The following NOVA2 variants were observed in gnomAD, a reference collection of about 807,000 sequenced individuals.
The protein encoded by NOVA2 is RNA-binding protein Nova-2.
Under a neutral mutation model 22.5 loss-of-function variants are expected in NOVA2, and 9 were observed. The ratio of observed to expected loss-of-function variants is 0.40; its 90% CI spans 0.24 to 0.70. NOVA2 has a LOEUF of 0.70. NOVA2 is among the 30% of genes least tolerant of loss of function. The pLI is 0.38. For missense variants in NOVA2, 383 were observed against 682.8 expected, an observed-to-expected ratio of 0.56 and a Z score of 4.89; for synonymous variants, 318 against 335.2, an observed-to-expected ratio of 0.95 and a Z score of 0.56.
intron 1 of NOVA2, 116 bp downstream of exon 1, chr19:45,973,151 A>C (rs1013903104): frequency 7.7e-5 from 19 of 247,556 alleles, no homozygotes; most frequent in East Asian, 1.2e-4. Flanking sequence ...CGCCTCGGGG[A>C]GGGGTGTCTC....
chr19:45,948,864 A>G (rs1422022061), intron 3 of NOVA2, among the ~76,000 whole-genome samples: 6 of 152,198 alleles, frequency 3.9e-5, no homozygotes, highest in Admixed American at 6.5e-5. Flanking sequence ...CATCATAGCT[A>G]AAAAGGAGAA....
chr19:45,972,831 T>C (rs1292464054), intron 1 of NOVA2, among the ~76,000 whole-genome samples: 2 of 152,070 alleles, frequency 1.3e-5, no homozygotes, highest in Non-Finnish European at 2.9e-5. Flanking sequence ...GGACAACCCT[T>C]GTTCAGGACA....
In NOVA2 at chr19:45,937,691, G is replaced by A. The variant is rs1285213654; in HGVS notation, c.*2172C>T. On this transcript the variant is annotated 3_prime_UTR_variant, in exon 4 of 4. Transcript: ENST00000263257. ...ATGGGAAGTGGGGGATAGGGGAGGG[G>A]AAGTGGGGCCTGCCTCCCACCCTGG... The A allele has an allele frequency of 1.3e-5, 2 of 152,138 alleles. No homozygotes were observed. The highest frequency in any genetic ancestry group is 4.8e-5 in the African/African-American group (2 of 41,420). 9.4% of individuals were successfully genotyped at this position (152,138 alleles called of 1,614,324 possible). A position where few individuals can be genotyped will look rare whatever the true frequency, so the allele number is the denominator to read the frequency against.
intron 1 of NOVA2, among the ~76,000 whole-genome samples, chr19:45,969,854 TCA>T (rs904580295): frequency 2.0e-5 from 3 of 152,146 alleles, no homozygotes; most frequent in African/African-American, 7.2e-5. Context: ...TGCCAGCCAC[TCA>T]CAGTGCCCAG....
intron 2 of NOVA2, among the ~76,000 whole-genome samples, chr19:45,959,821 G>GGAGAGAGAGAGAGAGAGA (rs146270704): frequency 1.9e-3 from 256 of 136,514 alleles, no homozygotes; most frequent in Middle Eastern, 7.8e-3. Flanking sequence ...AGACAGAGAG[G>GGAGAGAGAGAGAGAGAGA]GAGAGAGAGA....
intron 2 of NOVA2, among the ~76,000 whole-genome samples, chr19:45,959,922 A>T (rs1172983941): frequency 6.6e-6 from 1 of 152,010 alleles, no homozygotes; most frequent in African/African-American, 2.4e-5. Flanking sequence ...CAAGGGGATT[A>T]AGGATGAACT....
At chr19:45,959,413 T>C (rs977337276) in intron 2 of NOVA2, among the ~76,000 whole-genome samples, 6 of 152,190 alleles carry the variant, frequency 3.9e-5, no homozygotes, top group African/African-American at 1.2e-4. Flanking sequence ...TCCCGCCTTC[T>C]GGGTTTCCCA....
In NOVA2 at chr19:45,953,958, G is replaced by C; in HGVS notation, c.230-12C>G. On this transcript the variant is annotated splice_polypyrimidine_tract_variant and intron_variant, in intron 2 of 3. Transcript: ENST00000263257. ...CCGCTCTGTGGTTCCTGTTGAGCAA[G>C]GGAGAGAGAGGGCACACTCATGAGA... 1 of 1,613,446 alleles carries C rather than the reference G, an allele frequency of 6.2e-7. No homozygotes were observed. Among genetic ancestry groups the C allele is most frequent in the Non-Finnish European group, 8.5e-7 (1 of 1,179,458 alleles).
Position 45,940,945 on chromosome 19 carries a change from C to T in NOVA2, c.397G>A (p.Ala133Thr), listed in dbSNP as rs1262747126. ...TTMNPDRAKQAKLIVPNSTAG... is the reference protein window; with the variant it reads ...TTMNPDRAKQTKLIVPNSTAG... Reference sequence around the variant, plus strand: ...GTGCTGTTGGGGACGATCAGCTTGGCCTGCGTGGGGAGCAAAAGGGAGGGT... The same window carrying T: ...GTGCTGTTGGGGACGATCAGCTTGGTCTGCGTGGGGAGCAAAAGGGAGGGT... The change falls in exon 4 of 4, where the codon GCC (alanine) becomes ACC (threonine). Residue 133 changes from alanine to threonine, a missense_variant and splice_region_variant. Physicochemically the swap from Ala to Thr is moderately conservative, Grantham distance 58. Around this residue, in one of 2 missense-constraint regions of NOVA2, gnomAD observed 349 missense variants for 578.1 expected, o/e 0.60. Transcript: ENST00000263257. 4.4e-6 allele frequency: 7 copies of T among 1,600,050 alleles called. No individual in the cohort carries two copies. The African/African-American group carries it at 5.4e-5, about 12-fold the overall frequency.
chr19:45,944,524 C>G (rs1200674443), intron 3 of NOVA2, among the ~76,000 whole-genome samples: 1 of 152,146 alleles, frequency 6.6e-6, no homozygotes, highest in East Asian at 1.9e-4. Context: ...AATCACCTTC[C>G]TTTTATTTCT....
Position 45,934,714 on chromosome 19 carries a change from G to A in NOVA2, c.*5149C>T, listed in dbSNP as rs1568656673. 6.6e-6 allele frequency: 1 copy of A among 152,286 alleles called. No homozygotes were observed. The highest frequency in any genetic ancestry group is 1.5e-5 in the Non-Finnish European group (1 of 68,162). 9.4% of individuals were successfully genotyped at this position (152,286 alleles called of 1,614,324 possible). The stretch of plus-strand genomic sequence containing the variant: ...GGGGAGTGTGTGGGGGGCACACGAA[G>A]GAGGGGGTCAGAGTGAGCGCTCCAT... On this transcript the variant is annotated 3_prime_UTR_variant, in exon 4 of 4. Coordinates refer to ENST00000263257, the MANE Select transcript of NOVA2 (RefSeq NM_002516.4).
intron 1 of NOVA2, among the ~76,000 whole-genome samples, chr19:45,966,340 C>T (rs1471126278): frequency 6.6e-6 from 1 of 152,166 alleles, no homozygotes; most frequent in Non-Finnish European, 1.5e-5. Context: ...CCTTCCAGTC[C>T]TTGGTTCAGG....
intron 2 of NOVA2, 131 bp from the exon 3 acceptor site, chr19:45,954,077 C>T: frequency 1.0e-6 from 1 of 993,698 alleles, no homozygotes; most frequent in Non-Finnish European, 1.5e-6. Flanking sequence ...CACGGTGAGC[C>T]TGGGGGAGCG....
chr19:45,959,919 A>C (rs1461274144), intron 2 of NOVA2, among the ~76,000 whole-genome samples: 5 of 151,784 alleles, frequency 3.3e-5, no homozygotes, highest in Non-Finnish European at 5.9e-5. Context: ...ATCCAAGGGG[A>C]TTAAGGATGA....
intron 3 of NOVA2, among the ~76,000 whole-genome samples, chr19:45,948,323 G>T (rs557388720): frequency 3.3e-5 from 5 of 152,276 alleles, no homozygotes; most frequent in South Asian, 2.1e-4. Flanking sequence ...TTGTCAGCCG[G>T]GCGTGGGGGC....
rs1371668450 is a variant in NOVA2, at chr19:45,937,701, C to G, written c.*2162G>C. 6.6e-6 allele frequency: 1 copy of G among 152,192 alleles called. No individual in the cohort carries two copies. The highest frequency in any genetic ancestry group is 1.5e-5 in the Non-Finnish European group (1 of 68,040). The allele number at this position is 152,192 out of a possible 1,614,324, so 9.4% of individuals were successfully genotyped here. On this transcript the variant is annotated 3_prime_UTR_variant, in exon 4 of 4. Transcript: ENST00000263257. ...GGGGATAGGGGAGGGGAAGTGGGGC[C>G]TGCCTCCCACCCTGGAGATGACAAG... is the stretch of plus-strand genomic sequence containing the variant.
At chr19:45,951,712 G>A (rs1170060304) in intron 3 of NOVA2, among the ~76,000 whole-genome samples, 2 of 152,020 alleles carry the variant, frequency 1.3e-5, no homozygotes, top group African/African-American at 2.4e-5. Context: ...TGGGAGGATC[G>A]CTTGAGCCTG....
At chr19:45,950,802 T>A (rs1439042674) in intron 3 of NOVA2, among the ~76,000 whole-genome samples, 2 of 152,138 alleles carry the variant, frequency 1.3e-5, no homozygotes, top group African/African-American at 2.4e-5. Flanking sequence ...AAAAGCAGCA[T>A]CAACAGCTAA....
At chr19:45,966,597 G>T (rs576915978) in intron 1 of NOVA2, among the ~76,000 whole-genome samples, 1 of 152,248 alleles carries the variant, frequency 6.6e-6, no homozygotes, top group East Asian at 1.9e-4. Flanking sequence ...AAGAAATTAG[G>T]CCGGGTGTGG....
Sources: gnomAD v4.1 joint callset for allele counts (sites outside exome capture counted in the v4.1 genomes callset) on GRCh38, gnomAD v4.1.1 for gene constraint, gnomAD v4.1.1 regional missense constraint, MANE v1.5 for transcripts, NCBI Gene and HGNC (gene_info 2026-07-23, HGNC 2026-07-21) for gene names.